Variants in IL1RAPL2 observed in about 807,000 individuals in gnomAD.
IL1RAPL2 encodes the protein interleukin 1 receptor accessory protein like 2, also known as X-linked interleukin-1 receptor accessory protein-like 2.
Under a neutral mutation model 44.1 loss-of-function variants are expected in IL1RAPL2, and 3 were observed. The ratio of observed to expected loss-of-function variants is 0.07; its 90% CI spans 0.03 to 0.18. The LOEUF (loss-of-function observed/expected upper bound fraction) is 0.18, where lower values mean the gene tolerates loss of function less well. IL1RAPL2 is among the 10% of genes least tolerant of loss of function. The pLI is 1.00. For synonymous variants in IL1RAPL2, 181 were observed against 178.8 expected (o/e 1.01, Z -0.10); for missense variants, 391 against 496.4 (o/e 0.79, Z 2.02).
chrX:105,328,512 A>G (rs894131692), intron 5 of IL1RAPL2, among the ~76,000 whole-genome samples: 2 of 111,733 alleles, frequency 1.8e-5, no homozygotes, highest in Non-Finnish European at 1.9e-5. Context: ...AGGTTTTGCC[A>G]TGAGAATGGA....
At chrX:105,564,239 AG>A (rs955558461) in intron 6 of IL1RAPL2, among the ~76,000 whole-genome samples, 1 of 111,522 alleles carries the variant, frequency 9.0e-6, no homozygotes, top group Non-Finnish European at 1.9e-5. Flanking sequence ...TGTGAATTTG[AG>A]GGGGTACATA....
intron 2 of IL1RAPL2, among the ~76,000 whole-genome samples, chrX:105,091,022 T>G (rs2032538000): frequency 8.9e-6 from 1 of 112,462 alleles, no homozygotes; most frequent in Admixed American, 9.5e-5. Context: ...TTGAAAGCTC[T>G]GTTTAGTTCC....
At chrX:105,505,562 G>C (rs1405501519) in intron 6 of IL1RAPL2, among the ~76,000 whole-genome samples, 2 of 110,835 alleles carry the variant, frequency 1.8e-5, no homozygotes, top group African/African-American at 6.6e-5. Context: ...TTAAGGTCTT[G>C]CAGAAAGAAA....
At chrX:105,441,256 A>C (rs887070475) in intron 5 of IL1RAPL2, among the ~76,000 whole-genome samples, 2 of 111,820 alleles carry the variant, frequency 1.8e-5, no homozygotes, top group African/African-American at 6.5e-5. Flanking sequence ...GATATTAACT[A>C]AATGTTATTT....
intron 9 of IL1RAPL2, among the ~76,000 whole-genome samples, chrX:105,752,452 CTCTT>C (rs1479431238): frequency 8.9e-6 from 1 of 112,053 alleles, no homozygotes; most frequent in Non-Finnish European, 1.9e-5. Context: ...TATAACTTCT[CTCTT>C]TATTAGGAAC....
At chrX:105,609,926 C>T (rs1198085371) in intron 6 of IL1RAPL2, among the ~76,000 whole-genome samples, 1 of 111,931 alleles carries the variant, frequency 8.9e-6, no homozygotes. Context: ...AGTAGGTGTT[C>T]ATTTTACTTC....
chrX:104,924,044 TAA>T (rs57049694), intron 2 of IL1RAPL2, among the ~76,000 whole-genome samples: 10 of 97,270 alleles, frequency 1.0e-4, no homozygotes, highest in African/African-American at 3.0e-4. Flanking sequence ...ATAACAATAG[TAA>T]AAAAAAAAAA....
chrX:105,107,256 A>C (rs774287578), intron 2 of IL1RAPL2, among the ~76,000 whole-genome samples: 4 of 112,003 alleles, frequency 3.6e-5, no homozygotes, highest in African/African-American at 6.5e-5. Flanking sequence ...AAGGATATAA[A>C]AAGGAGTGCA....
intron 4 of IL1RAPL2, among the ~76,000 whole-genome samples, chrX:105,243,866 ACTTT>A (rs1326059818): frequency 2.7e-5 from 3 of 110,997 alleles, no homozygotes; most frequent in African/African-American, 9.8e-5. Context: ...ATCTAGGATA[ACTTT>A]CTTTCCACCT....
chrX:105,447,400 AATATATAAATATAAATATATAAAT>A, intron 5 of IL1RAPL2, among the ~76,000 whole-genome samples: 3 of 70,095 alleles, frequency 4.3e-5, no homozygotes, highest in Non-Finnish European at 7.1e-5. Context: ...TAAATATATA[AATATATAAATATAAATATATAAAT>A]ATATATAAAT....
At chrX:105,762,328 A>G (rs2038694088) in intron 10 of IL1RAPL2, among the ~76,000 whole-genome samples, 1 of 111,763 alleles carries the variant, frequency 8.9e-6, no homozygotes, top group Non-Finnish European at 1.9e-5. Context: ...TTTTACAAAT[A>G]CTGGTGCTAC....
At chrX:105,017,437 C>T (rs1472969007) in intron 2 of IL1RAPL2, among the ~76,000 whole-genome samples, 1 of 111,214 alleles carries the variant, frequency 9.0e-6, no homozygotes, top group Non-Finnish European at 1.9e-5. Context: ...AATACTTATG[C>T]AAGTGAGTCA....
intron 2 of IL1RAPL2, among the ~76,000 whole-genome samples, chrX:105,104,462 G>GT (rs1396554613): frequency 8.9e-6 from 1 of 111,816 alleles, no homozygotes; most frequent in African/African-American, 3.3e-5. Flanking sequence ...TCTGGTGAGT[G>GT]TAACTGGATG....
chrX:104,794,793 G>A (rs1054872008), intron 2 of IL1RAPL2, among the ~76,000 whole-genome samples: 18 of 112,038 alleles, frequency 1.6e-4, no homozygotes, highest in African/African-American at 4.5e-4. Context: ...TTTCCCAGTA[G>A]TAACAGTTAA....
chrX:105,467,732 G>A (rs1030027863), intron 5 of IL1RAPL2, among the ~76,000 whole-genome samples: 6 of 111,579 alleles, frequency 5.4e-5, no homozygotes, highest in African/African-American at 1.6e-4. Context: ...TCTATGGAAC[G>A]GATTAAAGAC....
intron 2 of IL1RAPL2, among the ~76,000 whole-genome samples, chrX:104,827,726 A>G (rs1921494056): frequency 8.9e-6 from 1 of 111,907 alleles, no homozygotes; most frequent in East Asian, 2.8e-4. Context: ...GTGTTTTCCA[A>G]CTTGGTTGCA....
chrX:105,681,645 C>G (rs1485424644), intron 6 of IL1RAPL2, among the ~76,000 whole-genome samples: 1 of 111,108 alleles, frequency 9.0e-6, no homozygotes, highest in Non-Finnish European at 1.9e-5. Context: ...ATAATCCCAA[C>G]TACTCAAGAG....
chrX:105,219,282 G>A (rs1419370804), intron 3 of IL1RAPL2: 3 of 1,207,225 alleles, frequency 2.5e-6, no homozygotes, highest in Non-Finnish European at 3.4e-6. Context: ...AAGGGCTTGA[G>A]TATGAGTATG....
chrX:104,771,950 T>C (rs1265631729), intron 2 of IL1RAPL2, among the ~76,000 whole-genome samples: 1 of 112,187 alleles, frequency 8.9e-6, no homozygotes, highest in Non-Finnish European at 1.9e-5. Context: ...ATTTTCTTTC[T>C]ATACTCTATG....
Sources: allele counts gnomAD v4.1 joint callset (sites outside exome capture counted in the v4.1 genomes callset), GRCh38; gene constraint gnomAD v4.1.1; transcripts MANE v1.5; gene names NCBI Gene and HGNC (gene_info 2026-07-23, HGNC 2026-07-21).